TENM3: variants seen among roughly 807,000 people sequenced by gnomAD.
TENM3 encodes the protein teneurin transmembrane protein 3, also known as teneurin-3.
A neutral mutation model predicts 255.1 loss-of-function variants in TENM3; 63 were observed. The ratio of observed to expected loss-of-function variants is 0.25; its 90% CI spans 0.20 to 0.30. The LOEUF (loss-of-function observed/expected upper bound fraction) is 0.30, where lower values mean the gene tolerates loss of function less well. Among genes scored for constraint, TENM3 ranks in the 10% least tolerant of loss-of-function variants. The pLI is 1.00. For missense variants in TENM3, 2,929 were observed against 3,461.1 expected (o/e 0.85, Z 3.86); for synonymous variants, 1,306 against 1,322.3 (o/e 0.99, Z 0.27).
chr4:181,604,723 T>C, the TENM3 span, among the ~76,000 whole-genome samples: 1 of 152,062 alleles, frequency 6.6e-6, no homozygotes, highest in Non-Finnish European at 1.5e-5. Context: ...TGGCATTTCA[T>C]CACCACGACT....
At chr4:182,264,519 A>G (rs185853755) in intron 1 of TENM3, among the ~76,000 whole-genome samples, 1 of 152,108 alleles carries the variant, frequency 6.6e-6, no homozygotes, top group South Asian at 2.1e-4. Flanking sequence ...AAAATTAACT[A>G]CTCTAGACTC....
chr4:182,409,479 T>G (rs920438302), intron 3 of TENM3, among the ~76,000 whole-genome samples: 1 of 152,162 alleles, frequency 6.6e-6, no homozygotes, highest in Non-Finnish European at 1.5e-5. Flanking sequence ...TATTTTCCCC[T>G]GTCGGGCCCA....
chr4:182,670,635 A>G (rs989049792), intron 6 of TENM3, among the ~76,000 whole-genome samples: 1 of 152,234 alleles, frequency 6.6e-6, no homozygotes, highest in Non-Finnish European at 1.5e-5. Context: ...AGGATGCAGT[A>G]GTCCAGATGG....
chr4:181,893,493 C>G, the TENM3 span, among the ~76,000 whole-genome samples: 6 of 89,602 alleles, frequency 6.7e-5, no homozygotes, highest in African/African-American at 2.7e-4. Flanking sequence ...CCCTGCCCAC[C>G]CCCCCCCCAC....
intron 1 of TENM3, among the ~76,000 whole-genome samples, chr4:182,285,292 A>G (rs774093437): frequency 3.3e-5 from 5 of 152,076 alleles, no homozygotes; most frequent in Admixed American, 6.6e-5. Flanking sequence ...CATGCTAGAT[A>G]GAATATGGTA....
the TENM3 span, among the ~76,000 whole-genome samples, chr4:181,611,296 T>G: frequency 6.6e-6 from 1 of 152,216 alleles, no homozygotes; most frequent in Non-Finnish European, 1.5e-5. Context: ...CCTCTGGGCG[T>G]GCCGCAGACA....
the TENM3 span, among the ~76,000 whole-genome samples, chr4:182,051,448 C>G: frequency 0.71 from 103,851 of 146,770 alleles, 39,835 homozygotes; most frequent in East Asian, 0.91. Context: ...CGCTATCTCG[C>G]CTCACTGCAA....
At chr4:181,925,303 A>T in the TENM3 span, among the ~76,000 whole-genome samples, 1 of 152,186 alleles carries the variant, frequency 6.6e-6, no homozygotes, top group Non-Finnish European at 1.5e-5. Flanking sequence ...GCAATCTCCA[A>T]CCTTATAGGT....
the TENM3 span, among the ~76,000 whole-genome samples, chr4:181,618,094 C>G: frequency 6.6e-6 from 1 of 152,276 alleles, no homozygotes; most frequent in Non-Finnish European, 1.5e-5. Context: ...AGTTTGCAGT[C>G]AACGGCTCAG....
At chr4:181,884,887 A>G in the TENM3 span, among the ~76,000 whole-genome samples, 1 of 152,090 alleles carries the variant, frequency 6.6e-6, no homozygotes, top group Admixed American at 6.6e-5. Context: ...TGAGACTTTC[A>G]TTGCAAGCAA....
chr4:181,875,702 G>A, the TENM3 span, among the ~76,000 whole-genome samples: 2 of 152,174 alleles, frequency 1.3e-5, no homozygotes, highest in East Asian at 1.9e-4. Flanking sequence ...CCCTGGGTTG[G>A]TGTAAGTGTG....
intron 1 of TENM3, among the ~76,000 whole-genome samples, chr4:182,176,821 ATTTTTTTTTTT>A (rs529637466): frequency 3.5e-5 from 4 of 113,358 alleles, no homozygotes; most frequent in Non-Finnish European, 7.1e-5. Context: ...CATCCGGCTA[ATTTTTTTTTTT>A]TTTTTTTTTT....
Position 182,718,319 on chromosome 4 carries a change from C to T in TENM3, c.2368+4086C>T, listed in dbSNP as rs144242362. ...CCTTAGAATCATTCTCAGGCCATCT[C>T]CTCCCCAAAAAGGCCACCACCAGCT... On this transcript the variant is annotated intron_variant, in intron 13 of 27. Coordinates refer to ENST00000511685, the MANE Select transcript of TENM3 (RefSeq NM_001080477.4). 1.8e-3 allele frequency among the ~76,000 whole-genome samples: 267 copies of T among 152,276 alleles called. 1 individual carries two copies. The highest frequency in any genetic ancestry group is 5.9e-3 in the African/African-American group (245 of 41,550).
the TENM3 span, among the ~76,000 whole-genome samples, chr4:182,110,996 G>T: frequency 5.9e-5 from 9 of 152,090 alleles, no homozygotes; most frequent in African/African-American, 2.2e-4. Context: ...GCTGTTGTTA[G>T]CATATTGAAT....
chr4:182,343,132 C>T (rs573854262), intron 2 of TENM3, among the ~76,000 whole-genome samples: 2 of 152,116 alleles, frequency 1.3e-5, no homozygotes, highest in Non-Finnish European at 2.9e-5. Flanking sequence ...ATTCAGTTTT[C>T]CTTTTCTAGA....
At chr4:181,754,283 G>A in the TENM3 span, among the ~76,000 whole-genome samples, 1 of 45,224 alleles carries the variant, frequency 2.2e-5, no homozygotes, top group Non-Finnish European at 5.2e-5. Context: ...CTATATCCCA[G>A]TCACACACAC....
At chr4:182,213,030 T>C (rs190833284) in intron 1 of TENM3, among the ~76,000 whole-genome samples, 3 of 152,220 alleles carry the variant, frequency 2.0e-5, no homozygotes, top group Non-Finnish European at 2.9e-5. Context: ...CACTCTAGCA[T>C]TCCACTGGAG....
the TENM3 span, among the ~76,000 whole-genome samples, chr4:181,923,569 G>A: frequency 7.2e-5 from 11 of 152,232 alleles, no homozygotes; most frequent in African/African-American, 2.2e-4. Context: ...TATCAAAGCC[G>A]ATTATTAGCC....
intron 1 of TENM3, among the ~76,000 whole-genome samples, chr4:182,229,765 T>C (rs1254641264): frequency 6.6e-6 from 1 of 152,154 alleles, no homozygotes; most frequent in Non-Finnish European, 1.5e-5. Flanking sequence ...GAGCTTAATT[T>C]CCATTTCTCT....
Sources: allele counts gnomAD v4.1 joint callset (sites outside exome capture counted in the v4.1 genomes callset), GRCh38; gene constraint gnomAD v4.1.1; transcripts MANE v1.5; gene names NCBI Gene and HGNC (gene_info 2026-07-23, HGNC 2026-07-21).